Variants in ZEB1 observed in about 807,000 individuals in gnomAD.
The protein encoded by ZEB1 is zinc finger E-box binding homeobox 1.
Under a neutral mutation model 84.9 loss-of-function variants are expected in ZEB1, and 21 were observed. That is an observed-to-expected ratio of 0.25 (90% CI 0.18 to 0.36). The LOEUF (loss-of-function observed/expected upper bound fraction) is 0.36. ZEB1 is among the 10% of genes least tolerant of loss of function. The probability of loss-of-function intolerance (pLI) is 1.00; values close to 1 mark genes in which losing one functional copy is unlikely to be tolerated. For missense variants in ZEB1, 1,104 were observed against 1,330.2 expected, an observed-to-expected ratio of 0.83 and a Z score of 2.65; for synonymous variants, 420 against 471.1, an observed-to-expected ratio of 0.89 and a Z score of 1.41.
intron 1 of ZEB1, among the ~76,000 whole-genome samples, chr10:31,374,504 CAG>C (rs1415821992): frequency 2.0e-4 from 30 of 151,794 alleles, no homozygotes; most frequent in African/African-American, 7.2e-5. Flanking sequence ...GGGTTAAAAA[CAG>C]ATATTCCCTG....
In ZEB1 at chr10:31,407,290, C is replaced by T. The variant is rs1257009671; in HGVS notation, c.59-53747C>T. ...TCCCCAGAGTGTGATGTTCCCCTTC[C>T]TGTGTCCATGTGTTCTCATTCTTCA... On this transcript the variant is annotated intron_variant, in intron 1 of 8. Transcript: ENST00000424869. Among the ~76,000 whole-genome samples, 5 of 142,378 alleles carry T rather than the reference C, an allele frequency of 3.5e-5. No individual in the cohort carries two copies. In the South Asian group the frequency reaches 1.1e-3, roughly 32 times the overall value. The allele number at this position is 142,378 out of a possible 152,430, so 93.4% of individuals were successfully genotyped here. A position where few individuals can be genotyped will look rare whatever the true frequency, so the allele number is the denominator to read the frequency against.
At chr10:31,470,036 G>C (rs1330660761) in intron 2 of ZEB1, among the ~76,000 whole-genome samples, 3 of 151,450 alleles carry the variant, frequency 2.0e-5, no homozygotes, top group African/African-American at 7.3e-5. Flanking sequence ...CAAACAGAAA[G>C]GACATCCACA....
At chr10:31,449,757 A>G (rs892752016) in intron 1 of ZEB1, among the ~76,000 whole-genome samples, 4 of 151,988 alleles carry the variant, frequency 2.6e-5, no homozygotes, top group African/African-American at 9.7e-5. Context: ...CACCATTACT[A>G]TTATTTTTCT....
chr10:31,507,116 T>C (rs1462314394), intron 4 of ZEB1, among the ~76,000 whole-genome samples: 1 of 152,172 alleles, frequency 6.6e-6, no homozygotes, highest in African/African-American at 2.4e-5. Flanking sequence ...TATTCTTGGC[T>C]GGCAGGGTTT....
At position 31,442,013 on chromosome 10, in the gene ZEB1, A is replaced by T. The variant is rs377288540; in HGVS notation, c.59-19024A>T. Among the ~76,000 whole-genome samples the T allele has an allele frequency of 1.0e-3, 155 of 152,318 alleles. 4 individuals are homozygous for T. In the East Asian group the frequency reaches 0.025, roughly 24 times the overall value. On this transcript the variant is annotated intron_variant, in intron 1 of 8. Coordinates refer to ENST00000424869, the MANE Select transcript of ZEB1 (RefSeq NM_001174096.2). ...AAGACAGTGTGGCGATTCCTCAAGG[A>T]TCTAGAACTAGAAATACCATTTGAC...
At chr10:31,444,973 G>A (rs951232211) in intron 1 of ZEB1, among the ~76,000 whole-genome samples, 2 of 151,928 alleles carry the variant, frequency 1.3e-5, no homozygotes, top group African/African-American at 4.9e-5. Context: ...TAGCTTGATG[G>A]GGATGGCATT....
At chr10:31,344,174 G>A (rs2039885942) in intron 1 of ZEB1, among the ~76,000 whole-genome samples, 1 of 151,936 alleles carries the variant, frequency 6.6e-6, no homozygotes, top group Non-Finnish European at 1.5e-5. Context: ...TATGTAATAG[G>A]CACATTAACT....
chr10:31,487,871 G>T (rs1434735901), intron 2 of ZEB1, among the ~76,000 whole-genome samples: 1 of 151,074 alleles, frequency 6.6e-6, no homozygotes, highest in East Asian at 1.9e-4. Context: ...TGCATCAATT[G>T]AAATGATCAT....
In ZEB1 at chr10:31,420,234, T is replaced by C. The variant is rs137885464; in HGVS notation, c.59-40803T>C. ...TTGCTGCGTAACAAATGACAAGAAA[T>C]TTAGTGATTTAAACAACACGTATTT... is the stretch of plus-strand genomic sequence containing the variant. On this transcript the variant is annotated intron_variant, in intron 1 of 8. Coordinates refer to ENST00000424869, the MANE Select transcript of ZEB1 (RefSeq NM_001174096.2). 6.3e-3 allele frequency among the ~76,000 whole-genome samples: 954 copies of C among 152,208 alleles called. 8 individuals are homozygous for C. Among genetic ancestry groups the C allele is most frequent in the African/African-American group, 0.022 (912 of 41,534 alleles).
rs546086300 is a variant in ZEB1, at chr10:31,442,309, CA to C, written c.59-18722del. On this transcript the variant is annotated intron_variant, in intron 1 of 8. Transcript: ENST00000424869. Reference sequence around the variant, plus strand: ...CATTCTCAGCAAACTATCGCAAGGACAAAAAACCAAACACTGTACGTTCTCA... The same window carrying C: ...CATTCTCAGCAAACTATCGCAAGGACAAAAACCAAACACTGTACGTTCTCA... 9.4e-4 allele frequency among the ~76,000 whole-genome samples: 142 copies of C among 151,048 alleles called. 2 individuals are homozygous for C. Among genetic ancestry groups the C allele is most frequent in the African/African-American group, 3.4e-3 (139 of 41,122 alleles).
At chr10:31,519,780 C>T (rs1282267759) in intron 6 of ZEB1, among the ~76,000 whole-genome samples, 1 of 151,876 alleles carries the variant, frequency 6.6e-6, no homozygotes, top group Non-Finnish European at 1.5e-5. Context: ...TTATATAGGT[C>T]GGTGAAATGG....
intron 1 of ZEB1, among the ~76,000 whole-genome samples, chr10:31,352,719 A>G (rs1013065755): frequency 3.3e-5 from 5 of 152,086 alleles, no homozygotes; most frequent in Non-Finnish European, 7.4e-5. Context: ...TGCTTACAAC[A>G]TGGTAGCTGG....
intron 1 of ZEB1, among the ~76,000 whole-genome samples, chr10:31,352,994 G>GC (rs2041554401): frequency 6.6e-6 from 1 of 152,230 alleles, no homozygotes; most frequent in Non-Finnish European, 1.5e-5. Flanking sequence ...TTTTTGCTGA[G>GC]CATGGGTATT....
intron 1 of ZEB1, among the ~76,000 whole-genome samples, chr10:31,415,391 G>A (rs1383980118): frequency 2.0e-5 from 3 of 152,006 alleles, no homozygotes; most frequent in Non-Finnish European, 4.4e-5. Context: ...CTTTGATCCT[G>A]TGTGTGTGGT....
At chr10:31,522,475 TAAAC>T (rs563795140) in intron 7 of ZEB1, among the ~76,000 whole-genome samples, 184 of 152,338 alleles carry the variant, frequency 1.2e-3, no homozygotes, top group African/African-American at 4.3e-3. Flanking sequence ...GAACTGTGCA[TAAAC>T]AGTGTTCAGT....
chr10:31,521,905 C>G lies in ZEB1; in HGVS notation c.2573C>G (p.Pro858Arg). The part of the protein sequence containing the change: ...TTVSPAVQEP[P>R]LKVIQPNGNQ... Reference sequence around the variant, plus strand: ...GTCAGCCCTGCAGTCCAAGAACCACCCTTGAAAGTGATCCAGCCAAATGGA... The same window carrying G: ...GTCAGCCCTGCAGTCCAAGAACCACGCTTGAAAGTGATCCAGCCAAATGGA... The change falls in exon 7 of 9, where the codon CCC becomes CGC. Residue 858 changes from proline to arginine, a missense_variant. Around this residue, in one of 7 missense-constraint regions of ZEB1, gnomAD observed 531 missense variants for 575.2 expected, o/e 0.92. Transcript: ENST00000424869. 6.2e-7 allele frequency: 1 copy of G among 1,613,982 alleles called. No homozygotes were observed. Among genetic ancestry groups the G allele is most frequent in the Non-Finnish European group, 8.5e-7 (1 of 1,179,960 alleles).
intron 1 of ZEB1, among the ~76,000 whole-genome samples, chr10:31,443,589 A>T (rs1282044242): frequency 8.2e-6 from 1 of 121,248 alleles, no homozygotes; most frequent in East Asian, 2.5e-4. Flanking sequence ...CAGTCCCCAG[A>T]GTGTGATATT....
intron 1 of ZEB1, among the ~76,000 whole-genome samples, chr10:31,426,641 T>G (rs1248709614): frequency 2.6e-5 from 4 of 152,212 alleles, no homozygotes. Context: ...ATATCCTGTT[T>G]GTGAGTAATT....
chr10:31,364,396 G>A (rs2044041047), intron 1 of ZEB1, among the ~76,000 whole-genome samples: 1 of 152,170 alleles, frequency 6.6e-6, no homozygotes, highest in Non-Finnish European at 1.5e-5. Context: ...CTGGCGCCTG[G>A]CCCAGGTGCT....
Sources: allele counts gnomAD v4.1 joint callset (sites outside exome capture counted in the v4.1 genomes callset), GRCh38; gene constraint gnomAD v4.1.1; regional missense constraint gnomAD v4.1.1; transcripts MANE v1.5; gene names NCBI Gene and HGNC (gene_info 2026-07-23, HGNC 2026-07-21).